The following ANKRD28 variants were observed in gnomAD, a reference collection of about 807,000 sequenced individuals.
ANKRD28 encodes the protein serine/threonine-protein phosphatase 6 regulatory ankyrin repeat subunit A.
A neutral mutation model predicts 126.5 loss-of-function variants in ANKRD28; 44 were observed. The observed-to-expected ratio is 0.35, with a 90% CI of 0.27 to 0.45. The LOEUF is 0.45. Ranked by LOEUF, ANKRD28 falls within the 20% of genes least tolerant of loss-of-function variation. The pLI is 1.00. For missense variants in ANKRD28, 1,110 were observed against 1,316.6 expected (o/e 0.84, Z 2.43); for synonymous variants, 442 against 468.5 (o/e 0.94, Z 0.73).
At chr3:15,693,892 TA>T (rs1347161480) in intron 17 of ANKRD28, among the ~76,000 whole-genome samples, 1 of 152,062 alleles carries the variant, frequency 6.6e-6, no homozygotes, top group African/African-American at 2.4e-5. Context: ...AATATTAAGA[TA>T]AAAAATAATA....
chr3:15,718,564 G>C (rs1489448317), intron 8 of ANKRD28, among the ~76,000 whole-genome samples: 2 of 152,008 alleles, frequency 1.3e-5, no homozygotes, highest in Admixed American at 6.6e-5. Flanking sequence ...CACCTAAGTA[G>C]ACACTAACAG....
chr3:15,828,114 T>A (rs1253341884), intron 1 of ANKRD28, among the ~76,000 whole-genome samples: 1 of 152,152 alleles, frequency 6.6e-6, no homozygotes, highest in African/African-American at 2.4e-5. Flanking sequence ...GTATAAAATA[T>A]ATGGCAGAAT....
At chr3:15,782,014 T>C (rs2059561835) in intron 2 of ANKRD28, among the ~76,000 whole-genome samples, 1 of 152,118 alleles carries the variant, frequency 6.6e-6, no homozygotes, top group East Asian at 1.9e-4. Context: ...TACTACTCTT[T>C]TCTGACAGTT....
intron 1 of ANKRD28, among the ~76,000 whole-genome samples, chr3:15,849,013 T>C (rs1371000330): frequency 6.6e-6 from 1 of 152,186 alleles, no homozygotes; most frequent in East Asian, 1.9e-4. Flanking sequence ...AAGCAATATA[T>C]AAAATCACTT....
rs1238640325 is a variant in ANKRD28 at position 15,804,150 on chromosome 3, A to T, written c.28-8844T>A. ...GCCAAGGAATTATAAGGTATCATAT[A>T]TCACCTTCAAACTCCTTATGCAACT... On this transcript the variant is annotated intron_variant, in intron 1 of 27. Coordinates refer to the ANKRD28 transcript ENST00000399451. Among the ~76,000 whole-genome samples the T allele has an allele frequency of 4.8e-5, 7 of 145,262 alleles. 1 individual carries two copies. The highest frequency in any genetic ancestry group is 7.4e-5 in the Non-Finnish European group (5 of 67,154).
chr3:15,823,896 A>T (rs572782655), intron 1 of ANKRD28, among the ~76,000 whole-genome samples: 1 of 152,224 alleles, frequency 6.6e-6, no homozygotes, highest in Non-Finnish European at 1.5e-5. Flanking sequence ...ACATCATAGA[A>T]GGGAACTTCT....
Position 15,762,224 on chromosome 3 carries a change from A to AAAAAAAAAAAAAAAAAAC in ANKRD28, c.280+4009_280+4010insGTTTTTTTTTTTTTTTTT, listed in dbSNP as rs2058521761. Among the ~76,000 whole-genome samples the AAAAAAAAAAAAAAAAAAC allele has an allele frequency of 1.9e-5, 2 of 107,652 alleles. 1 individual carries two copies. Among genetic ancestry groups the AAAAAAAAAAAAAAAAAAC allele is most frequent in the African/African-American group, 6.8e-5 (2 of 29,612 alleles). The allele number at this position is 107,652 out of a possible 152,430, so 70.6% of individuals were successfully genotyped here. ...AAAAAAAAAAAAAAACAAAACAAAA[A>AAAAAAAAAAAAAAAAAAC]AAAAAAAACTCTCCTGGTTCCTTCC... On this transcript the variant is annotated intron_variant, in intron 3 of 27. Transcript: ENST00000683139.
chr3:15,753,788 C>T (rs1049113688), intron 3 of ANKRD28, among the ~76,000 whole-genome samples: 1 of 152,042 alleles, frequency 6.6e-6, no homozygotes, highest in African/African-American at 2.4e-5. Context: ...ACTAAAAATA[C>T]AAAAATTAGC....
intron 21 of ANKRD28, among the ~76,000 whole-genome samples, chr3:15,682,777 T>G (rs2067676166): frequency 6.6e-6 from 1 of 152,212 alleles, no homozygotes; most frequent in Non-Finnish European, 1.5e-5. Context: ...AATGCCAAAT[T>G]ATAAAACGGG....
At chr3:15,825,585 T>C (rs531074574) in intron 1 of ANKRD28, among the ~76,000 whole-genome samples, 1 of 152,288 alleles carries the variant, frequency 6.6e-6, no homozygotes, top group South Asian at 2.1e-4. Context: ...AAGACCTTGT[T>C]TCTTACACAA....
At chr3:15,855,222 C>T (rs1559602744) in intron 1 of ANKRD28, among the ~76,000 whole-genome samples, 1 of 152,058 alleles carries the variant, frequency 6.6e-6, no homozygotes. Context: ...AAACAATGTT[C>T]CACTCTTAGT....
chr3:15,825,594 A>C (rs544463639), intron 1 of ANKRD28, among the ~76,000 whole-genome samples: 5 of 152,262 alleles, frequency 3.3e-5, no homozygotes, highest in African/African-American at 9.6e-5. Flanking sequence ...TTTCTTACAC[A>C]ACACAAAAAA....
Position 15,695,183 on chromosome 3 carries a change from CT to C in ANKRD28, c.1686+4del. 1 of 1,594,134 alleles carries C rather than the reference CT, an allele frequency of 6.3e-7. No individual in the cohort carries two copies. Among genetic ancestry groups the C allele is most frequent in the South Asian group, 1.1e-5 (1 of 88,096 alleles). On this transcript the variant is annotated splice_donor_region_variant and intron_variant, in intron 16 of 27. Coordinates refer to ENST00000683139, the MANE Select transcript of ANKRD28 (RefSeq NM_001349278.2). ...ATTGGTGGGAGGGAATTGACTAATA[CT>C]TACAACATCTAGAGGAGTTTCACTT...
At chr3:15,715,534 T>C (rs2126108288) in intron 8 of ANKRD28, among the ~76,000 whole-genome samples, 1 of 152,312 alleles carries the variant, frequency 6.6e-6, no homozygotes, top group Non-Finnish European at 1.5e-5. Flanking sequence ...AATTGACAAG[T>C]AATTTTACAG....
At chr3:15,710,185 G>C (rs2072049368) in intron 12 of ANKRD28, among the ~76,000 whole-genome samples, 1 of 152,118 alleles carries the variant, frequency 6.6e-6, no homozygotes, top group African/African-American at 2.4e-5. Flanking sequence ...ACAGCTGTGA[G>C]CCACTGCATG....
At chr3:15,808,850 T>C (rs1210856986) in intron 1 of ANKRD28, among the ~76,000 whole-genome samples, 2 of 152,222 alleles carry the variant, frequency 1.3e-5, no homozygotes, top group Non-Finnish European at 1.5e-5. Context: ...AATGATAATT[T>C]ATTACAAAAT....
chr3:15,709,849 A>G, intron 12 of ANKRD28, 113 bp from the exon 13 acceptor site: 1 of 619,382 alleles, frequency 1.6e-6, no homozygotes, highest in Non-Finnish European at 2.7e-6. Context: ...ATGTGACAAA[A>G]ATGATGATTT....
intron 2 of ANKRD28, among the ~76,000 whole-genome samples, chr3:15,789,963 G>A (rs2059951782): frequency 6.6e-6 from 1 of 151,966 alleles, no homozygotes; most frequent in African/African-American, 2.4e-5. Context: ...GACTTACACA[G>A]ACATTATGAC....
chr3:15,826,120 A>G (rs1014917760), intron 1 of ANKRD28, among the ~76,000 whole-genome samples: 2 of 152,214 alleles, frequency 1.3e-5, no homozygotes, highest in Non-Finnish European at 2.9e-5. Flanking sequence ...AAAAAGATAC[A>G]CATTATACTA....
Sources: gnomAD v4.1 joint callset for allele counts (sites outside exome capture counted in the v4.1 genomes callset) on GRCh38, gnomAD v4.1.1 for gene constraint, MANE v1.5 for transcripts, NCBI Gene and HGNC (gene_info 2026-07-23, HGNC 2026-07-21) for gene names.